The following MMP26 variants were observed in gnomAD, a reference collection of about 807,000 sequenced individuals.
MMP26 encodes the protein matrix metallopeptidase 26.
In MMP26, 33 loss-of-function variants were observed where a neutral mutation model predicts 31.0. The ratio of observed to expected loss-of-function variants is 1.06; its 90% confidence interval spans 0.81 to 1.42. The LOEUF (loss-of-function observed/expected upper bound fraction) is 1.42. MMP26 is among the 40% of genes most tolerant of loss of function. The probability of loss-of-function intolerance (pLI) is 0.00; values close to 1 mark genes in which losing one functional copy is unlikely to be tolerated. For missense variants in MMP26, 347 were observed against 316.1 expected (o/e 1.10, Z -0.74); for synonymous variants, 122 against 114.9 (o/e 1.06, Z -0.40).
chr11:4,714,994 C>T (rs574033622), intron 1 of MMP26, among the ~76,000 whole-genome samples: 86 of 150,842 alleles, frequency 5.7e-4, no homozygotes, highest in African/African-American at 1.9e-3. Flanking sequence ...GAGCTCTGTG[C>T]GATTCTTCCA....
chr11:4,879,730 G>A (rs1185690166), intron 2 of MMP26, among the ~76,000 whole-genome samples: 1 of 152,146 alleles, frequency 6.6e-6, no homozygotes, highest in Non-Finnish European at 1.5e-5. Flanking sequence ...TGCGTAGAAG[G>A]TAGATGGCTC....
rs191256303 is a variant in MMP26, at chr11:4,787,868, A to G, written c.-145+20527A>G. ...TTCTGCATTTGTCTCCTTTAAGTAC[A>G]TGCTTTCTTTTACTTAGCTTAAACC... is the stretch of plus-strand genomic sequence containing the variant. On this transcript the variant is annotated intron_variant, in intron 2 of 7. Transcript: ENST00000380390. 1.1e-3 allele frequency among the ~76,000 whole-genome samples: 170 copies of G among 152,328 alleles called. 1 individual carries two copies. Among genetic ancestry groups the G allele is most frequent in the African/African-American group, 3.8e-3 (156 of 41,574 alleles).
chr11:4,833,708 T>C (rs4910689), intron 2 of MMP26, among the ~76,000 whole-genome samples: 29,806 of 152,062 alleles, frequency 0.2, 3,255 homozygotes, highest in African/African-American at 0.28. Flanking sequence ...ACACTTTTCT[T>C]GGGTGATGTG....
chr11:4,710,118 C>G, intron 1 of MMP26: 1 of 456,792 alleles, frequency 2.2e-6, no homozygotes, highest in Non-Finnish European at 4.4e-6. Context: ...CTGCTTCCAC[C>G]CTGATGCGAT....
intron 2 of MMP26, chr11:4,945,202 C>G (rs891386933): frequency 1.3e-5 from 2 of 151,872 alleles, no homozygotes; most frequent in African/African-American, 4.8e-5. Context: ...ATAATACAAA[C>G]TAGGGCTAGG....
chr11:4,965,772 A>T (rs1452368268), intron 2 of MMP26, among the ~76,000 whole-genome samples: 1 of 152,180 alleles, frequency 6.6e-6, no homozygotes, highest in Non-Finnish European at 1.5e-5. Flanking sequence ...TCATGTATGG[A>T]GACACGTAAC....
chr11:4,744,218 G>C (rs1330207924), intron 1 of MMP26, among the ~76,000 whole-genome samples: 3 of 151,990 alleles, frequency 2.0e-5, no homozygotes, highest in African/African-American at 7.3e-5. Flanking sequence ...TTTTTTTCCA[G>C]AATTTTATTG....
chr11:4,893,239 AAAT>A (rs1382045659), intron 2 of MMP26, among the ~76,000 whole-genome samples: 1 of 152,210 alleles, frequency 6.6e-6, no homozygotes, highest in Admixed American at 6.5e-5. Flanking sequence ...ATCAAAATAA[AAAT>A]AAGTTAATAA....
chr11:4,934,350 T>C (rs1246062572), intron 2 of MMP26, among the ~76,000 whole-genome samples: 1 of 134,800 alleles, frequency 7.4e-6, no homozygotes, highest in East Asian at 2.1e-4. Context: ...TTTCATGTGT[T>C]TTTTGGCTGC....
intron 2 of MMP26, among the ~76,000 whole-genome samples, chr11:4,975,232 G>A (rs1374775247): frequency 3.3e-5 from 5 of 151,976 alleles, no homozygotes; most frequent in Non-Finnish European, 2.9e-5. Flanking sequence ...TATTTACCTA[G>A]AGTTTGGAAG....
At chr11:4,939,520 C>T (rs12807351) in intron 2 of MMP26, among the ~76,000 whole-genome samples, 22,950 of 152,024 alleles carry the variant, frequency 0.15, 1,833 homozygotes, top group South Asian at 0.17. Flanking sequence ...TTGTATTTTC[C>T]ATTATTGTAA....
chr11:4,984,674 T>C (rs1018394804), intron 2 of MMP26, among the ~76,000 whole-genome samples: 2 of 152,224 alleles, frequency 1.3e-5, no homozygotes, highest in Non-Finnish European at 2.9e-5. Context: ...GGCTTCTTTA[T>C]ATTTCATTTT....
chr11:4,713,517 A>G (rs1368028610), intron 1 of MMP26, among the ~76,000 whole-genome samples: 1 of 152,090 alleles, frequency 6.6e-6, no homozygotes, highest in African/African-American at 2.4e-5. Context: ...CCTCATTGTA[A>G]ACACTGAGTT....
chr11:4,748,299 T>TA (rs1848405447), intron 1 of MMP26, among the ~76,000 whole-genome samples: 1 of 151,644 alleles, frequency 6.6e-6, no homozygotes, highest in South Asian at 2.1e-4. Context: ...GAATCAGTAA[T>TA]AAAAAATCTT....
At chr11:4,746,829 T>C (rs1848386493) in intron 1 of MMP26, among the ~76,000 whole-genome samples, 1 of 123,002 alleles carries the variant, frequency 8.1e-6, no homozygotes, top group Non-Finnish European at 1.7e-5. Flanking sequence ...AGTAAGTCTC[T>C]GTCACACACA....
chr11:4,825,742 T>G (rs1277465803), intron 2 of MMP26, among the ~76,000 whole-genome samples: 1 of 152,180 alleles, frequency 6.6e-6, no homozygotes, highest in African/African-American at 2.4e-5. Flanking sequence ...GCCTTCTGAC[T>G]GCTAGCAACC....
intron 2 of MMP26, chr11:4,859,923 G>A (rs1348303994): frequency 4.2e-6 from 2 of 470,980 alleles, no homozygotes; most frequent in Admixed American, 2.4e-5. Context: ...GTAGAGTGAG[G>A]AGAACATCGA....
intron 1 of MMP26, among the ~76,000 whole-genome samples, chr11:4,708,281 G>A (rs534423016): frequency 5.3e-5 from 8 of 152,066 alleles, no homozygotes; most frequent in Non-Finnish European, 1.5e-5. Flanking sequence ...ATCTTTCTTT[G>A]CGTGTGTGTG....
At chr11:4,807,473 T>G (rs531589588) in intron 2 of MMP26, among the ~76,000 whole-genome samples, 4 of 152,280 alleles carry the variant, frequency 2.6e-5, no homozygotes, top group Non-Finnish European at 5.9e-5. Flanking sequence ...TGCAGGGACA[T>G]GGATGAAGCT....
Sources: gnomAD v4.1 joint callset for allele counts (sites outside exome capture counted in the v4.1 genomes callset) on GRCh38, gnomAD v4.1.1 for gene constraint, MANE v1.5 for transcripts, NCBI Gene and HGNC (gene_info 2026-07-23, HGNC 2026-07-21) for gene names.